DIAPH3: variants seen among roughly 807,000 people sequenced by gnomAD.
The protein encoded by DIAPH3 is protein diaphanous homolog 3.
A neutral mutation model predicts 144.3 loss-of-function variants in DIAPH3; 117 were observed. That is an observed-to-expected ratio of 0.81 (90% CI 0.70 to 0.95). The LOEUF is 0.95. Among genes scored for constraint, DIAPH3 ranks in the 40% least tolerant of loss-of-function variants. The pLI, the probability that DIAPH3 is intolerant of heterozygous loss-of-function variation, is 0.00. For missense variants in DIAPH3, 1,421 were observed against 1,412.7 expected (o/e 1.01, Z -0.09); for synonymous variants, 519 against 488.9 (o/e 1.06, Z -0.81).
At chr13:60,051,259 G>A (rs1435697798) in intron 4 of DIAPH3, among the ~76,000 whole-genome samples, 1 of 152,100 alleles carries the variant, frequency 6.6e-6, no homozygotes, top group Non-Finnish European at 1.5e-5. Flanking sequence ...ATGTTTGCAT[G>A]CTGATGAGAA....
chr13:59,987,508 A>C (rs2051492744), intron 12 of DIAPH3, among the ~76,000 whole-genome samples: 2 of 102,180 alleles, frequency 2.0e-5, no homozygotes, highest in South Asian at 3.0e-4. Flanking sequence ...AAAAAGACCA[A>C]ACCAAAAAAA....
chr13:59,722,101 G>A (rs1034353691), intron 27 of DIAPH3, among the ~76,000 whole-genome samples: 8 of 152,138 alleles, frequency 5.3e-5, no homozygotes, highest in African/African-American at 1.4e-4. Context: ...CCCTGTCAAA[G>A]GTTCTGCATT....
At chr13:59,916,941 A>AT (rs1443548689) in intron 18 of DIAPH3, among the ~76,000 whole-genome samples, 8 of 152,250 alleles carry the variant, frequency 5.3e-5, no homozygotes, top group African/African-American at 1.9e-4. Flanking sequence ...TATTATAATG[A>AT]TTTTTTCAAA....
At chr13:59,911,473 C>G (rs1388649117) in intron 20 of DIAPH3, among the ~76,000 whole-genome samples, 1 of 152,142 alleles carries the variant, frequency 6.6e-6, no homozygotes, top group Admixed American at 6.5e-5. Context: ...TTTTACTTTA[C>G]ATTTTAACAT....
chr13:59,685,996 A>G (rs2033191875), intron 27 of DIAPH3, among the ~76,000 whole-genome samples: 1 of 152,142 alleles, frequency 6.6e-6, no homozygotes, highest in African/African-American at 2.4e-5. Flanking sequence ...AAAGTTGGCA[A>G]TCCCCAAACT....
chr13:60,025,453 A>G (rs2054316862), intron 5 of DIAPH3, among the ~76,000 whole-genome samples: 1 of 151,774 alleles, frequency 6.6e-6, no homozygotes, highest in Non-Finnish European at 1.5e-5. Context: ...TCTTTCAAAC[A>G]CAAGTCTGAA....
chr13:59,984,570 G>A (rs1035552276), intron 12 of DIAPH3, among the ~76,000 whole-genome samples: 7 of 151,422 alleles, frequency 4.6e-5, no homozygotes, highest in African/African-American at 1.2e-4. Flanking sequence ...TTGATAGATC[G>A]CTAGCAAGAC....
intron 25 of DIAPH3, among the ~76,000 whole-genome samples, chr13:59,777,831 G>T (rs113690772): frequency 2.0e-5 from 3 of 152,110 alleles, no homozygotes; most frequent in African/African-American, 7.2e-5. Context: ...AAAGGCTAGA[G>T]AACTGTTCTA....
chr13:59,795,511 G>A (rs1171853040), intron 25 of DIAPH3, among the ~76,000 whole-genome samples: 3 of 150,138 alleles, frequency 2.0e-5, no homozygotes, highest in African/African-American at 4.9e-5. Context: ...CTGGAGTGCA[G>A]TGGCGTGATC....
intron 17 of DIAPH3, among the ~76,000 whole-genome samples, chr13:59,962,900 T>G (rs562442153): frequency 6.6e-6 from 1 of 152,280 alleles, no homozygotes; most frequent in South Asian, 2.1e-4. Flanking sequence ...TTCTAATGTA[T>G]TTTGAAAGTA....
intron 5 of DIAPH3, 76 bp from the exon 6 acceptor site, chr13:60,016,221 T>G: frequency 7.7e-7 from 1 of 1,293,390 alleles, no homozygotes; most frequent in East Asian, 2.4e-5. Flanking sequence ...CCTACAAGTA[T>G]TTTATATTTG....
chr13:59,846,050 G>A (rs1017234824), intron 22 of DIAPH3, among the ~76,000 whole-genome samples: 4 of 152,058 alleles, frequency 2.6e-5, no homozygotes, highest in African/African-American at 7.2e-5. Context: ...TCCTCCAAGT[G>A]TCTTATTATT....
intron 27 of DIAPH3, among the ~76,000 whole-genome samples, chr13:59,691,412 C>T (rs2033514476): frequency 6.6e-6 from 1 of 152,110 alleles, no homozygotes; most frequent in Admixed American, 6.6e-5. Context: ...AGCTTACTTA[C>T]TGATATCTAG....
intron 17 of DIAPH3, among the ~76,000 whole-genome samples, chr13:59,959,679 G>A (rs1420429181): frequency 6.6e-6 from 1 of 152,126 alleles, no homozygotes; most frequent in African/African-American, 2.4e-5. Flanking sequence ...TCTAGCGACT[G>A]GAAAAGGCAA....
chr13:60,068,525 G>C (rs1298248454), intron 4 of DIAPH3, among the ~76,000 whole-genome samples: 5 of 151,952 alleles, frequency 3.3e-5, no homozygotes, highest in Non-Finnish European at 7.4e-5. Flanking sequence ...TTAGGTTCAA[G>C]GGATACATGT....
At chr13:59,795,226 G>A (rs564365689) in intron 25 of DIAPH3, among the ~76,000 whole-genome samples, 1 of 151,530 alleles carries the variant, frequency 6.6e-6, no homozygotes, top group Admixed American at 6.6e-5. Flanking sequence ...GTGACTTCAT[G>A]GTGCTCTGGG....
At chr13:59,993,700 C>CT (rs1302217981) in intron 9 of DIAPH3, among the ~76,000 whole-genome samples, 1 of 18,386 alleles carries the variant, frequency 5.4e-5, no homozygotes, top group East Asian at 4.1e-4. Flanking sequence ...GAGAAACATA[C>CT]TTAAAAAAAA....
intron 27 of DIAPH3, among the ~76,000 whole-genome samples, chr13:59,772,635 G>T (rs2038182847): frequency 6.6e-6 from 1 of 152,060 alleles, no homozygotes; most frequent in Non-Finnish European, 1.5e-5. Flanking sequence ...TCACAAGGCT[G>T]AGTTCTCCAA....
At chr13:60,135,095 T>C (rs1290802201) in intron 1 of DIAPH3, among the ~76,000 whole-genome samples, 1 of 151,998 alleles carries the variant, frequency 6.6e-6, no homozygotes, top group African/African-American at 2.4e-5. Context: ...AATCCAGTTG[T>C]AAACATTCAA....
Sources: gnomAD v4.1 joint callset for allele counts (sites outside exome capture counted in the v4.1 genomes callset) on GRCh38, gnomAD v4.1.1 for gene constraint, MANE v1.5 for transcripts, NCBI Gene and HGNC (gene_info 2026-07-23, HGNC 2026-07-21) for gene names.